CSMD1: variants seen among roughly 807,000 people sequenced by gnomAD.
The protein encoded by CSMD1 is CUB and Sushi multiple domains 1, also known as CUB and sushi domain-containing protein 1.
CSMD1 carries 213 observed loss-of-function variants against 417.5 expected under a neutral mutation model. The ratio of observed to expected loss-of-function variants is 0.51; its 90% confidence interval spans 0.46 to 0.57. The LOEUF (loss-of-function observed/expected upper bound fraction) is 0.57. Ranked by LOEUF, CSMD1 falls within the 20% of genes least tolerant of loss-of-function variation. The probability of loss-of-function intolerance (pLI) is 0.00; values close to 1 mark genes in which losing one functional copy is unlikely to be tolerated. For synonymous variants in CSMD1, 2,862 were observed against 1,736.8 expected, an observed-to-expected ratio of 1.65 and a Z score of -16.11; for missense variants, 6,923 against 4,529.7, an observed-to-expected ratio of 1.53 and a Z score of -15.17.
At chr8:4,530,682 T>C (rs975022151) in intron 2 of CSMD1, among the ~76,000 whole-genome samples, 11 of 151,458 alleles carry the variant, frequency 7.3e-5, no homozygotes, top group African/African-American at 2.4e-4. Context: ...AACTCATTCT[T>C]TTTTAGGGCT....
At chr8:3,860,548 C>A (rs79690332) in intron 5 of CSMD1, among the ~76,000 whole-genome samples, 1,856 of 152,074 alleles carry the variant, frequency 0.012, 54 homozygotes, top group African/African-American at 0.042. Flanking sequence ...CTGGATTTAC[C>A]AATGATATCA....
At chr8:4,219,423 A>G (rs1800884840) in intron 3 of CSMD1, among the ~76,000 whole-genome samples, 1 of 152,214 alleles carries the variant, frequency 6.6e-6, no homozygotes, top group African/African-American at 2.4e-5. Context: ...CTCCATGGTA[A>G]TTGGGCTCTG....
chr8:3,275,447 C>G (rs1428162281), intron 26 of CSMD1, among the ~76,000 whole-genome samples: 1 of 152,106 alleles, frequency 6.6e-6, no homozygotes, highest in Non-Finnish European at 1.5e-5. Context: ...GTGGCATTCT[C>G]TGTATTTCCT....
intron 3 of CSMD1, among the ~76,000 whole-genome samples, chr8:4,223,219 G>T (rs1403681650): frequency 6.6e-6 from 1 of 152,018 alleles, no homozygotes; most frequent in Non-Finnish European, 1.5e-5. Flanking sequence ...AGCCACAAAT[G>T]AAATCTTTGC....
At chr8:4,185,650 C>G (rs530474852) in intron 3 of CSMD1, among the ~76,000 whole-genome samples, 2 of 152,164 alleles carry the variant, frequency 1.3e-5, no homozygotes, top group Non-Finnish European at 2.9e-5. Flanking sequence ...AAAAGTGACA[C>G]ATTTTAACAT....
intron 12 of CSMD1, among the ~76,000 whole-genome samples, chr8:3,446,299 C>T (rs893622825): frequency 1.3e-5 from 2 of 152,208 alleles, no homozygotes; most frequent in African/African-American, 2.4e-5. Flanking sequence ...AATTAGTTTT[C>T]TTTACCTTTT....
At chr8:4,356,010 G>C (rs375666658) in intron 3 of CSMD1, among the ~76,000 whole-genome samples, 2 of 152,146 alleles carry the variant, frequency 1.3e-5, no homozygotes, top group East Asian at 3.9e-4. Flanking sequence ...GTGGCATTTG[G>C]TTACTTAAGT....
chr8:3,166,934 T>C (rs899042635), intron 37 of CSMD1, among the ~76,000 whole-genome samples: 1 of 152,206 alleles, frequency 6.6e-6, no homozygotes, highest in East Asian at 1.9e-4. Context: ...ACAGCATACA[T>C]ATGCTTCATA....
intron 3 of CSMD1, among the ~76,000 whole-genome samples, chr8:4,168,518 A>C (rs895131923): frequency 6.6e-6 from 1 of 152,150 alleles, no homozygotes; most frequent in Non-Finnish European, 1.5e-5. Flanking sequence ...CACTAGATTA[A>C]AATAAGTTAC....
intron 3 of CSMD1, among the ~76,000 whole-genome samples, chr8:4,055,097 A>G (rs948721125): frequency 6.6e-6 from 1 of 152,278 alleles, no homozygotes; most frequent in Non-Finnish European, 1.5e-5. Flanking sequence ...TTAGTAACAC[A>G]TTTTCTTTGA....
intron 3 of CSMD1, among the ~76,000 whole-genome samples, chr8:4,353,384 G>A (rs565866462): frequency 7.2e-5 from 11 of 152,134 alleles, no homozygotes; most frequent in East Asian, 3.9e-4. Flanking sequence ...CTCCCCAGCC[G>A]TGTGGAACTG....
At chr8:3,705,077 G>A (rs925860710) in intron 7 of CSMD1, among the ~76,000 whole-genome samples, 4 of 152,216 alleles carry the variant, frequency 2.6e-5, no homozygotes, top group African/African-American at 7.2e-5. Context: ...GTCATTTGGA[G>A]AAGAAGCCAG....
chr8:3,831,714 T>A (rs191698924), intron 5 of CSMD1, among the ~76,000 whole-genome samples: 1 of 152,152 alleles, frequency 6.6e-6, no homozygotes, highest in African/African-American at 2.4e-5. Context: ...GAATTTACTA[T>A]TGAAAAAGAA....
At chr8:3,026,905 G>C (rs1050476193) in intron 51 of CSMD1, among the ~76,000 whole-genome samples, 13 of 152,176 alleles carry the variant, frequency 8.5e-5, no homozygotes, top group African/African-American at 2.9e-4. Context: ...TTGGTAAAGG[G>C]GTTTCTAGAC....
chr8:3,230,815 A>G (rs1178732721), intron 26 of CSMD1, among the ~76,000 whole-genome samples: 1 of 152,148 alleles, frequency 6.6e-6, no homozygotes, highest in Non-Finnish European at 1.5e-5. Context: ...GTTGGACAAT[A>G]TATTATATGG....
intron 5 of CSMD1, among the ~76,000 whole-genome samples, chr8:3,942,360 G>A (rs945244830): frequency 1.3e-5 from 2 of 152,140 alleles, no homozygotes; most frequent in Admixed American, 1.3e-4. Context: ...CAAAATGGTA[G>A]AGGACGGCTA....
At chr8:3,087,755 G>A (rs930304336) in intron 48 of CSMD1, among the ~76,000 whole-genome samples, 7 of 152,220 alleles carry the variant, frequency 4.6e-5, no homozygotes, top group African/African-American at 1.7e-4. Flanking sequence ...GCTGCAGGTT[G>A]ACTTGGTCTA....
chr8:4,748,593 G>T (rs544473771), intron 1 of CSMD1, among the ~76,000 whole-genome samples: 2 of 152,162 alleles, frequency 1.3e-5, no homozygotes, highest in Non-Finnish European at 2.9e-5. Flanking sequence ...GAAGACTCAC[G>T]GGGAGAAATC....
intron 3 of CSMD1, among the ~76,000 whole-genome samples, chr8:4,370,339 G>A (rs1348571963): frequency 6.6e-6 from 1 of 152,130 alleles, no homozygotes; most frequent in African/African-American, 2.4e-5. Context: ...CCCTTTGTAA[G>A]TGACCTGCTC....
Sources: gnomAD v4.1 joint callset for allele counts (sites outside exome capture counted in the v4.1 genomes callset) on GRCh38, gnomAD v4.1.1 for gene constraint, MANE v1.5 for transcripts, NCBI Gene and HGNC (gene_info 2026-07-23, HGNC 2026-07-21) for gene names.